ROBO2: variants seen among roughly 807,000 people sequenced by gnomAD.
ROBO2 encodes roundabout guidance receptor 2.
A neutral mutation model predicts 160.8 loss-of-function variants in ROBO2; 53 were observed. The observed-to-expected ratio is 0.33, with a 90% CI of 0.26 to 0.41. The LOEUF (loss-of-function observed/expected upper bound fraction) is 0.41, where lower values mean the gene tolerates loss of function less well. Ranked by LOEUF, ROBO2 falls within the 10% of genes least tolerant of loss-of-function variation. The probability of loss-of-function intolerance (pLI) is 1.00; values close to 1 mark genes in which losing one functional copy is unlikely to be tolerated. For synonymous variants in ROBO2, 664 were observed against 611.7 expected, an observed-to-expected ratio of 1.09 and a Z score of -1.26; for missense variants, 1,577 against 1,722.4, an observed-to-expected ratio of 0.92 and a Z score of 1.49.
At chr3:77,447,829 T>C (rs1424075343) in intron 2 of ROBO2, among the ~76,000 whole-genome samples, 7 of 152,152 alleles carry the variant, frequency 4.6e-5, no homozygotes, top group Admixed American at 1.3e-4. Flanking sequence ...CTTGTTTTAA[T>C]TATAGTTTGT....
intron 2 of ROBO2, among the ~76,000 whole-genome samples, chr3:76,324,728 A>G (rs1285639465): frequency 6.6e-6 from 1 of 152,212 alleles, no homozygotes; most frequent in African/African-American, 2.4e-5. Flanking sequence ...GGAATTAAAT[A>G]TCAAAAAACT....
At chr3:76,335,646 C>G (rs1406967523) in intron 2 of ROBO2, among the ~76,000 whole-genome samples, 1 of 151,432 alleles carries the variant, frequency 6.6e-6, no homozygotes, top group Admixed American at 6.6e-5. Context: ...GGCGCGATCT[C>G]GGCTCACTGC....
At chr3:77,378,979 C>G (rs2073069923) in intron 2 of ROBO2, among the ~76,000 whole-genome samples, 1 of 151,160 alleles carries the variant, frequency 6.6e-6, no homozygotes, top group Non-Finnish European at 1.5e-5. Flanking sequence ...TGGAGTTTCG[C>G]TCTTGTTGCC....
intron 2 of ROBO2, among the ~76,000 whole-genome samples, chr3:76,320,887 G>A (rs992253253): frequency 6.6e-6 from 1 of 152,020 alleles, no homozygotes; most frequent in African/African-American, 2.4e-5. Flanking sequence ...ATGTTATGAA[G>A]GTAATTTGTA....
chr3:76,635,879 G>A (rs2090303581), intron 2 of ROBO2, among the ~76,000 whole-genome samples: 2 of 152,174 alleles, frequency 1.3e-5, no homozygotes, highest in Admixed American at 1.3e-4. Context: ...GAGCAGAGGA[G>A]GCAAGGCCCT....
chr3:76,827,669 G>T (rs527649142), intron 2 of ROBO2, among the ~76,000 whole-genome samples: 5 of 152,178 alleles, frequency 3.3e-5, no homozygotes, highest in African/African-American at 1.2e-4. Flanking sequence ...TCACAATTCA[G>T]TTCAAGGATT....
At chr3:77,005,118 C>G (rs1233721640) in intron 2 of ROBO2, among the ~76,000 whole-genome samples, 1 of 152,162 alleles carries the variant, frequency 6.6e-6, no homozygotes, top group Non-Finnish European at 1.5e-5. Context: ...CCTTTACCTA[C>G]GCTTTTCTTC....
chr3:76,295,447 A>G (rs1422428929), intron 2 of ROBO2, among the ~76,000 whole-genome samples: 2 of 152,214 alleles, frequency 1.3e-5, no homozygotes, highest in Non-Finnish European at 2.9e-5. Flanking sequence ...GCAGGTATGC[A>G]AACAAAGAAT....
At chr3:77,110,600 G>A (rs61527094) in intron 2 of ROBO2, among the ~76,000 whole-genome samples, 37,587 of 149,882 alleles carry the variant, frequency 0.25, 6,462 homozygotes, top group African/African-American at 0.49. Context: ...AAATTAATCT[G>A]AAATGGATCA....
At chr3:77,188,975 G>A (rs960249283) in intron 2 of ROBO2, among the ~76,000 whole-genome samples, 4 of 150,156 alleles carry the variant, frequency 2.7e-5, no homozygotes, top group Non-Finnish European at 4.5e-5. Flanking sequence ...GTGTGAGAGA[G>A]AGAGAGAGAG....
At chr3:76,493,437 A>G (rs1481317891) in intron 2 of ROBO2, among the ~76,000 whole-genome samples, 3 of 132,474 alleles carry the variant, frequency 2.3e-5, no homozygotes, top group African/African-American at 9.7e-5. Context: ...GACTTTCTTG[A>G]TGAGTCTCAT....
intron 2 of ROBO2, among the ~76,000 whole-genome samples, chr3:76,835,139 A>T (rs985170360): frequency 6.6e-6 from 1 of 151,954 alleles, no homozygotes; most frequent in African/African-American, 2.4e-5. Flanking sequence ...TTCCCTTGCT[A>T]GTAAACTGTT....
chr3:76,924,514 C>T lies in ROBO2; in HGVS notation c.110-173500C>T, dbSNP rs532024622. On this transcript the variant is annotated intron_variant, in intron 2 of 26. Transcript: ENST00000487694. ...CGAAACTGTGAAAAATAAACATTTA[C>T]TGTCTGTAAGCTACCCACATTAAGG... Among the ~76,000 whole-genome samples, 97 of 152,324 alleles carry T rather than the reference C, an allele frequency of 6.4e-4. 1 individual carries two copies. Among genetic ancestry groups the T allele is most frequent in the African/African-American group, 2.3e-3 (97 of 41,584 alleles).
intron 2 of ROBO2, among the ~76,000 whole-genome samples, chr3:77,443,151 A>T (rs1461812942): frequency 5.3e-5 from 8 of 152,218 alleles, no homozygotes; most frequent in Non-Finnish European, 1.2e-4. Flanking sequence ...GTAAAATCAA[A>T]GTCTTATTAT....
At position 76,811,780 on chromosome 3, in the gene ROBO2, TC is replaced by T. The variant is rs1208823113; in HGVS notation, c.110-286232del. Among the ~76,000 whole-genome samples the T allele has an allele frequency of 4.7e-4, 13 of 27,472 alleles. No individual in the cohort carries two copies. The Admixed American group carries it at 4.9e-3, about 10-fold the overall frequency. The allele number at this position is 27,472 out of a possible 152,430, so 18.0% of individuals were successfully genotyped here. ...AATTACCTTTCTCTCTTTCCCTCCT[TC>T]CTTCCTTCCTTCCTTCCTTCCTTCC... On this transcript the variant is annotated intron_variant, in intron 2 of 26. Transcript: ENST00000487694.
chr3:76,123,967 A>G (rs909157920), intron 2 of ROBO2, among the ~76,000 whole-genome samples: 5 of 152,088 alleles, frequency 3.3e-5, no homozygotes, highest in Middle Eastern at 3.2e-3. Flanking sequence ...TTAAGCTTAT[A>G]TATTCACTGT....
chr3:76,553,465 G>A (rs570192048), intron 2 of ROBO2, among the ~76,000 whole-genome samples: 1 of 152,236 alleles, frequency 6.6e-6, no homozygotes, highest in African/African-American at 2.4e-5. Context: ...GGAGTGTTAT[G>A]ATCTGAGCGA....
intron 2 of ROBO2, among the ~76,000 whole-genome samples, chr3:76,292,928 A>G (rs1394244688): frequency 6.7e-6 from 1 of 149,986 alleles, no homozygotes; most frequent in Non-Finnish European, 1.5e-5. Context: ...TTTTTAGAAG[A>G]TATTTCTGAA....
chr3:76,005,589 T>G (rs189937417), intron 2 of ROBO2, among the ~76,000 whole-genome samples: 1 of 152,298 alleles, frequency 6.6e-6, no homozygotes, highest in African/African-American at 2.4e-5. Context: ...CTGTGATGGA[T>G]AGACTTGACC....
Sources: gnomAD v4.1 joint callset for allele counts (sites outside exome capture counted in the v4.1 genomes callset) on GRCh38, gnomAD v4.1.1 for gene constraint, MANE v1.5 for transcripts, NCBI Gene and HGNC (gene_info 2026-07-23, HGNC 2026-07-21) for gene names.